Variants in HRH4 observed in about 807,000 individuals in gnomAD.
The protein encoded by HRH4 is histamine H4 receptor.
HRH4 carries 12 observed loss-of-function variants against 10.4 expected under a neutral mutation model. The observed-to-expected ratio is 1.15, with a 90% CI of 0.74 to 1.87. HRH4 has a LOEUF of 1.87. Among genes scored for constraint, HRH4 ranks in the 40% most tolerant of loss-of-function variants. The pLI, the probability that HRH4 is intolerant of heterozygous loss-of-function variation, is 0.00. For synonymous variants in HRH4, 154 were observed against 166.6 expected, an observed-to-expected ratio of 0.92 and a Z score of 0.58; for missense variants, 415 against 453.3, an observed-to-expected ratio of 0.92 and a Z score of 0.77.
intron 1 of HRH4, among the ~76,000 whole-genome samples, chr18:24,466,574 T>C (rs751011453): frequency 1.4e-4 from 22 of 152,176 alleles, no homozygotes; most frequent in Non-Finnish European, 2.6e-4. Flanking sequence ...CAACTCTTCA[T>C]CTCTGTGGTG....
At chr18:24,467,688 C>T (rs375068889) in intron 1 of HRH4, among the ~76,000 whole-genome samples, 41 of 152,214 alleles carry the variant, frequency 2.7e-4, no homozygotes, top group East Asian at 2.1e-3. Context: ...GGATTACAGG[C>T]GTGCACCACC....
At chr18:24,466,039 A>T (rs1281055462) in intron 1 of HRH4, among the ~76,000 whole-genome samples, 1 of 152,098 alleles carries the variant, frequency 6.6e-6, no homozygotes. Context: ...GTGGGCTGAA[A>T]TATAATAAAT....
At chr18:24,463,639 A>T (rs1438018363) in intron 1 of HRH4, among the ~76,000 whole-genome samples, 8 of 152,166 alleles carry the variant, frequency 5.3e-5, no homozygotes, top group Non-Finnish European at 1.2e-4. Context: ...GGCAGGGCAG[A>T]TTAGACCCTC....
intron 1 of HRH4, among the ~76,000 whole-genome samples, chr18:24,462,515 C>T (rs1909670478): frequency 6.6e-6 from 1 of 152,102 alleles, no homozygotes; most frequent in African/African-American, 2.4e-5. Context: ...GGCCAACAGG[C>T]AGAGCAGCTA....
intron 2 of HRH4, among the ~76,000 whole-genome samples, chr18:24,471,188 T>G (rs1909938117): frequency 6.6e-6 from 1 of 151,944 alleles, no homozygotes; most frequent in Non-Finnish European, 1.5e-5. Context: ...TCAGCTTGGA[T>G]TAACAATTCA....
At chr18:24,469,352 T>C (rs1413174980) in intron 2 of HRH4, among the ~76,000 whole-genome samples, 1 of 152,168 alleles carries the variant, frequency 6.6e-6, no homozygotes, top group African/African-American at 2.4e-5. Context: ...TGAAATGTGA[T>C]GAGAAAATCA....
chr18:24,467,213 C>A (rs1372846122), intron 1 of HRH4, among the ~76,000 whole-genome samples: 3 of 152,128 alleles, frequency 2.0e-5, no homozygotes, highest in Non-Finnish European at 2.9e-5. Context: ...ACAGGGTCTG[C>A]CATATGGTAA....
intron 1 of HRH4, among the ~76,000 whole-genome samples, chr18:24,461,419 C>T (rs1909634468): frequency 6.6e-6 from 1 of 151,998 alleles, no homozygotes; most frequent in Non-Finnish European, 1.5e-5. Flanking sequence ...GTAAAATATA[C>T]CCAACTGTAA....
chr18:24,468,247 G>A lies in HRH4; in HGVS notation c.194-541G>A, dbSNP rs377431852. ...AATAAAGATGGGGTTTCACCATGTTGCCCAGGCTAGTTACGAACTCCTGTC... is the reference window on the plus strand; with the variant it reads ...AATAAAGATGGGGTTTCACCATGTTACCCAGGCTAGTTACGAACTCCTGTC... On this transcript the variant is annotated intron_variant, in intron 1 of 2. Transcript: ENST00000256906. 9.0e-4 allele frequency among the ~76,000 whole-genome samples: 137 copies of A among 152,108 alleles called. 6 individuals are homozygous for A. The South Asian group carries it at 0.028, about 32-fold the overall frequency.
Position 24,477,586 on chromosome 18 carries a change from A to G in HRH4, c.*24A>G, listed in dbSNP as rs1159777195. On this transcript the variant is annotated 3_prime_UTR_variant, in exon 3 of 3. Transcript: ENST00000256906. ...AAAGACAATTTTCTCACCTCTGTAA[A>G]TTTTAGTCTCAATCTCACCTAAATG... 6.7e-7 allele frequency: 1 copy of G among 1,485,784 alleles called. No individual in the cohort carries two copies. Among genetic ancestry groups the G allele is most frequent in the Non-Finnish European group, 9.0e-7 (1 of 1,105,180 alleles). 92.0% of individuals were successfully genotyped at this position (1,485,784 alleles called of 1,614,324 possible). A position where few individuals can be genotyped will look rare whatever the true frequency, so the allele number is the denominator to read the frequency against.
chr18:24,460,666 T>C lies in HRH4; in HGVS notation c.-63T>C, dbSNP rs976706838. 1 of 1,106,982 alleles carries C rather than the reference T, an allele frequency of 9.0e-7. No homozygotes were observed. Among genetic ancestry groups the C allele is most frequent in the Non-Finnish European group, 1.3e-6 (1 of 789,590 alleles). The allele number at this position is 1,106,982 out of a possible 1,614,324, so 68.6% of individuals were successfully genotyped here. A position where few individuals can be genotyped will look rare whatever the true frequency, so the allele number is the denominator to read the frequency against. On this transcript the variant is annotated 5_prime_UTR_variant, in exon 1 of 3. Transcript: ENST00000256906. ...ATTTTAGGTATGTGATTAGAAAACA[T>C]ACTTGTCAGAATTGTCTGGCTGGAT...
At position 24,477,467 on chromosome 18, in the gene HRH4, T is replaced by C; in HGVS notation, c.1078T>C (p.Leu360=). The C allele has an allele frequency of 6.2e-7, 1 of 1,614,024 alleles. No individual in the cohort carries two copies. Residue 360 remains leucine, a synonymous_variant, in exon 3 of 3, where the codon TTG becomes CTG. Coordinates refer to ENST00000256906, the MANE Select transcript of HRH4 (RefSeq NM_021624.4). ...NSFVNPLLYP[L]CHKRFQKAFL... ...CTTTGTCAATCCTCTTTTGTATCCA[T>C]TGTGTCACAAGCGCTTTCAAAAGGC...
chr18:24,469,149 C>T (rs1909866478), intron 2 of HRH4, among the ~76,000 whole-genome samples, 198 bp downstream of exon 2: 3 of 152,150 alleles, frequency 2.0e-5, no homozygotes, highest in Admixed American at 2.0e-4. Context: ...ACCTATGCAC[C>T]ATTGAAATGG....
chr18:24,473,866 G>A (rs1334724153), intron 2 of HRH4, among the ~76,000 whole-genome samples: 1 of 152,100 alleles, frequency 6.6e-6, no homozygotes, highest in African/African-American at 2.4e-5. Context: ...TTATTGGGGC[G>A]GGAAAAAAGT....
intron 1 of HRH4, among the ~76,000 whole-genome samples, chr18:24,463,326 C>T (rs1421119): frequency 0.72 from 109,469 of 152,086 alleles, 39,892 homozygotes; most frequent in Admixed American, 0.77. Flanking sequence ...ATCTGCCTGC[C>T]AGCCTCATCC....
chr18:24,469,066 G>A, intron 2 of HRH4, 115 bp downstream of exon 2: 1 of 729,590 alleles, frequency 1.4e-6, no homozygotes, highest in Non-Finnish European at 2.2e-6. Context: ...GGCCTTAGAG[G>A]AACCCTATCC....
chr18:24,477,494 T>C lies in HRH4; in HGVS notation c.1105T>C (p.Phe369Leu), dbSNP rs761334607. 3 of 1,609,940 alleles carry C rather than the reference T, an allele frequency of 1.9e-6. No homozygotes were observed. The highest frequency in any genetic ancestry group is 1.1e-5 in the South Asian group (1 of 90,728). ...GTGTCACAAGCGCTTTCAAAAGGCT[T>C]TCTTGAAAATATTTTGTATAAAAAA... The part of the protein sequence containing the change: ...PLCHKRFQKA[F>L]LKIFCIKKQP... Residue 369 changes from phenylalanine to leucine, a missense_variant, in exon 3 of 3, where the codon TTC (phenylalanine) becomes CTC (leucine). Phe to Leu is a conservative substitution (Grantham distance 22). Transcript: ENST00000256906.
At chr18:24,472,413 G>A (rs1302701602) in intron 2 of HRH4, among the ~76,000 whole-genome samples, 2 of 152,186 alleles carry the variant, frequency 1.3e-5, no homozygotes, top group East Asian at 3.8e-4. Flanking sequence ...TGTAAACTTG[G>A]TGAGGGATGG....
chr18:24,469,542 T>A (rs1909877710), intron 2 of HRH4, among the ~76,000 whole-genome samples: 1 of 152,110 alleles, frequency 6.6e-6, no homozygotes, highest in South Asian at 2.1e-4. Flanking sequence ...TCAGCTAAAT[T>A]TCTCAGCAAT....
Sources: allele counts gnomAD v4.1 joint callset (sites outside exome capture counted in the v4.1 genomes callset), GRCh38; gene constraint gnomAD v4.1.1; transcripts MANE v1.5; gene names NCBI Gene and HGNC (gene_info 2026-07-23, HGNC 2026-07-21).